The following SCARB1 variants were observed in gnomAD, a reference collection of about 807,000 sequenced individuals.
The protein encoded by SCARB1 is CD36 and LIMPII analogous 1.
In SCARB1, 30 loss-of-function variants were observed where a neutral mutation model predicts 57.2. The ratio of observed to expected loss-of-function variants is 0.52; its 90% confidence interval spans 0.39 to 0.71. SCARB1 has a LOEUF of 0.71. SCARB1 is among the 30% of genes least tolerant of loss of function. The probability of loss-of-function intolerance (pLI) is 0.00; values close to 1 mark genes in which losing one functional copy is unlikely to be tolerated. For missense variants in SCARB1, 543 were observed against 671.2 expected (o/e 0.81, Z 2.11); for synonymous variants, 249 against 268.3 (o/e 0.93, Z 0.70).
intron 1 of SCARB1, among the ~76,000 whole-genome samples, chr12:124,852,185 C>T (rs551335140): frequency 2.0e-5 from 3 of 152,164 alleles, no homozygotes; most frequent in Admixed American, 1.3e-4. Flanking sequence ...TCTTTATACA[C>T]CCGCATCCCT....
At position 124,817,854 on chromosome 12, in the gene SCARB1, C is replaced by T. The variant is rs11057825; in HGVS notation, c.127-147G>A. On this transcript the variant is annotated intron_variant, in intron 1 of 12. Coordinates refer to ENST00000261693, the MANE Select transcript of SCARB1 (RefSeq NM_005505.5). The surrounding 1 kb of genome is among the most constrained non-coding windows in gnomAD (Gnocchi z 4.8). Reference sequence around the variant, plus strand: ...GATAGGAGGTGGTGGGAAAGCCCTTCGCACATGAGGCTGTCGCACCTGGAG... The same window carrying T: ...GATAGGAGGTGGTGGGAAAGCCCTTTGCACATGAGGCTGTCGCACCTGGAG... The T allele has an allele frequency of 0.041, 33,993 of 829,384 alleles. 5,622 individuals carry two copies. The East Asian group carries it at 0.46, about 11-fold the overall frequency. The allele number at this position is 829,384 out of a possible 1,614,324, so 51.4% of individuals were successfully genotyped here. A position where few individuals can be genotyped will look rare whatever the true frequency, so the allele number is the denominator to read the frequency against.
At chr12:124,839,456 G>A (rs1295467733) in intron 1 of SCARB1, among the ~76,000 whole-genome samples, 1 of 152,134 alleles carries the variant, frequency 6.6e-6, no homozygotes, top group Non-Finnish European at 1.5e-5. Context: ...CCACCCATCA[G>A]CGGACACTCG....
At chr12:124,806,390 A>G (rs963375843) in intron 7 of SCARB1, among the ~76,000 whole-genome samples, 12 of 152,196 alleles carry the variant, frequency 7.9e-5, no homozygotes, top group Admixed American at 2.0e-4. Flanking sequence ...GAGACACACC[A>G]ACAATGTCAG....
chr12:124,807,875 A>T lies in SCARB1; in HGVS notation c.895T>A (p.Tyr299Asn). The T allele has an allele frequency of 1.2e-6, 2 of 1,614,146 alleles. No individual in the cohort carries two copies. The highest frequency in any genetic ancestry group is 1.7e-6 in the Non-Finnish European group (2 of 1,179,992). Residue 299 changes from tyrosine to asparagine, a missense_variant, in exon 7 of 13, where the codon TAT (tyrosine) becomes AAT (asparagine). Transcript: ENST00000261693. This position sits in a 1 kb window ranked among gnomAD's most constrained non-coding sequence, Gnocchi z 5.3. ...AGGGTTTTGGGAGCCACGAAGCGAT[A>T]GGTGGGGATGCCTTCAAACACCCCT... ...ESGVFEGIPT[Y>N]RFVAPKTLFA...
intron 1 of SCARB1, among the ~76,000 whole-genome samples, chr12:124,820,117 G>GTTT (rs1950890955): frequency 6.6e-6 from 1 of 152,134 alleles, no homozygotes; most frequent in Non-Finnish European, 1.5e-5. Context: ...GCACCAGAAG[G>GTTT]ATCACCTTAT....
intron 7 of SCARB1, among the ~76,000 whole-genome samples, chr12:124,802,651 T>C (rs1950175188): frequency 6.6e-6 from 1 of 152,190 alleles, no homozygotes. Flanking sequence ...CTTCCAATGT[T>C]ATTACCAAGC....
chr12:124,840,277 G>A (rs189121464), intron 1 of SCARB1, among the ~76,000 whole-genome samples: 16,083 of 151,778 alleles, frequency 0.11, 952 homozygotes, highest in African/African-American at 0.16. Context: ...AGGTTCAAAC[G>A]ATTCTCCTGC....
chr12:124,805,741 TTTTTTTTTG>T (rs1950300463), intron 7 of SCARB1, among the ~76,000 whole-genome samples: 1 of 133,204 alleles, frequency 7.5e-6, no homozygotes, highest in African/African-American at 3.2e-5. Flanking sequence ...TTTTTTTTTT[TTTTTTTTTG>T]GCCAGAGAGA....
chr12:124,863,048 A>G (rs1271648267), intron 1 of SCARB1, among the ~76,000 whole-genome samples: 1 of 152,126 alleles, frequency 6.6e-6, no homozygotes, highest in Non-Finnish European at 1.5e-5. Context: ...GAGGGTTCCT[A>G]TGGGGAGATT....
At chr12:124,837,865 G>GC (rs112712907) in intron 1 of SCARB1, among the ~76,000 whole-genome samples, 18 of 152,280 alleles carry the variant, frequency 1.2e-4, no homozygotes, top group African/African-American at 4.1e-4. Context: ...TGGTGCCCCT[G>GC]CCCCCCAGCC....
chr12:124,831,699 C>T (rs778355443), intron 1 of SCARB1, among the ~76,000 whole-genome samples: 10 of 152,182 alleles, frequency 6.6e-5, no homozygotes, highest in South Asian at 2.1e-4. Flanking sequence ...TACCAGCAGG[C>T]GCCTGATACA....
chr12:124,797,729 G>A (rs1345387064), intron 8 of SCARB1, among the ~76,000 whole-genome samples: 7 of 152,364 alleles, frequency 4.6e-5, no homozygotes, highest in Non-Finnish European at 1.5e-5. Flanking sequence ...GAGGCTGGAG[G>A]AGGAATTAAC....
intron 12 of SCARB1, among the ~76,000 whole-genome samples, chr12:124,781,837 G>A (rs1873540591): frequency 6.6e-6 from 1 of 151,488 alleles, no homozygotes; most frequent in Non-Finnish European, 1.5e-5. Context: ...GTATACAGTT[G>A]GTGTTCAGTT....
intron 1 of SCARB1, among the ~76,000 whole-genome samples, chr12:124,820,142 A>G (rs759335483): frequency 4.6e-5 from 7 of 152,170 alleles, no homozygotes; most frequent in Non-Finnish European, 1.0e-4. Flanking sequence ...TGAGCAGCCC[A>G]TAGGTGCAAA....
chr12:124,796,065 T>TTCA lies in SCARB1; in HGVS notation c.1129-798_1129-797insTGA, dbSNP rs1949934531. 1.3e-5 allele frequency among the ~76,000 whole-genome samples: 2 copies of TTCA among 152,240 alleles called. No individual in the cohort carries two copies. The highest frequency in any genetic ancestry group is 2.9e-5 in the Non-Finnish European group (2 of 68,040). ...GCCTCCTGAGTTCAAGCGATTGTCC[T>TTCA]GCCTCAGCCTCCCCAGTAGCTGGGA... On this transcript the variant is annotated intron_variant, in intron 8 of 12. Transcript: ENST00000261693. The surrounding 1 kb of genome is among the most constrained non-coding windows in gnomAD (Gnocchi z 4.0).
intron 1 of SCARB1, among the ~76,000 whole-genome samples, chr12:124,831,684 C>T (rs1469734203): frequency 1.3e-5 from 2 of 152,190 alleles, no homozygotes; most frequent in Non-Finnish European, 2.9e-5. Flanking sequence ...TGCCCATCCT[C>T]CACCTACCAG....
At position 124,817,111 on chromosome 12, in the gene SCARB1, CGTGTGTATGTAT is replaced by C. The variant is rs1950759959; in HGVS notation, c.284+427_284+438del. The stretch of plus-strand genomic sequence containing the variant: ...GTATGTGTGTGTGTATGTGTATGTA[CGTGTGTATGTAT>C]GTATGTGTGTATGTGTATGTGTATG... On this transcript the variant is annotated intron_variant, in intron 2 of 12. Coordinates refer to ENST00000261693, the MANE Select transcript of SCARB1 (RefSeq NM_005505.5). The surrounding 1 kb of genome is among the most constrained non-coding windows in gnomAD (Gnocchi z 4.8). 7.0e-6 allele frequency among the ~76,000 whole-genome samples: 1 copy of C among 142,362 alleles called. No homozygotes were observed. The highest frequency in any genetic ancestry group is 2.6e-5 in the African/African-American group (1 of 38,768). The allele number at this position is 142,362 out of a possible 152,430, so 93.4% of individuals were successfully genotyped here. A position where few individuals can be genotyped will look rare whatever the true frequency, so the allele number is the denominator to read the frequency against.
At chr12:124,782,987 A>G (rs1424128556) in intron 11 of SCARB1, 176 bp from the exon 12 acceptor site, 14 of 637,834 alleles carry the variant, frequency 2.2e-5, no homozygotes, top group South Asian at 3.6e-5. Flanking sequence ...GCTCTTAGAC[A>G]TAAGTACAAG....
intron 11 of SCARB1, 53 bp downstream of exon 11, chr12:124,786,304 C>CAG (rs1355288276): frequency 6.2e-7 from 1 of 1,608,706 alleles, no homozygotes; most frequent in South Asian, 1.1e-5. Context: ...CCCTTTCCCC[C>CAG]AGCAGGCAAG....
Sources: gnomAD v4.1 joint callset for allele counts (sites outside exome capture counted in the v4.1 genomes callset) on GRCh38, gnomAD v4.1.1 for gene constraint, Gnocchi (gnomAD v3.1) non-coding constraint, MANE v1.5 for transcripts, NCBI Gene and HGNC (gene_info 2026-07-23, HGNC 2026-07-21) for gene names.